The following PACSIN2 variants were observed in gnomAD, a reference collection of about 807,000 sequenced individuals.
The protein encoded by PACSIN2 is protein kinase C and casein kinase substrate in neurons 2.
In PACSIN2, 25 loss-of-function variants were observed where a neutral mutation model predicts 63.8. That is an observed-to-expected ratio of 0.39 (90% CI 0.29 to 0.55). The LOEUF is 0.55. Ranked by LOEUF, PACSIN2 falls within the 20% of genes least tolerant of loss-of-function variation. The pLI is 0.62. For synonymous variants in PACSIN2, 255 were observed against 256.2 expected (o/e 1.00, Z 0.05); for missense variants, 518 against 646.9 (o/e 0.80, Z 2.16).
At chr22:42,974,212 T>C (rs1226131748) in intron 1 of PACSIN2, among the ~76,000 whole-genome samples, 1 of 152,146 alleles carries the variant, frequency 6.6e-6, no homozygotes, top group Admixed American at 6.5e-5. Context: ...CAGTGTACCA[T>C]GACTAGGTAC....
At chr22:43,010,873 G>T (rs1419670063) in intron 1 of PACSIN2, among the ~76,000 whole-genome samples, 1 of 152,180 alleles carries the variant, frequency 6.6e-6, no homozygotes, top group Non-Finnish European at 1.5e-5. Context: ...AGGAAAGGTG[G>T]TTTTTATTTG....
chr22:42,988,341 G>T (rs958348684), intron 1 of PACSIN2, among the ~76,000 whole-genome samples: 3 of 152,192 alleles, frequency 2.0e-5, no homozygotes, highest in African/African-American at 7.2e-5. Flanking sequence ...GTGAGGGGTG[G>T]GGGGCACGTC....
chr22:42,997,372 C>CATGGTAAA (rs1170677518), intron 1 of PACSIN2, among the ~76,000 whole-genome samples: 1 of 152,100 alleles, frequency 6.6e-6, no homozygotes, highest in Non-Finnish European at 1.5e-5. Flanking sequence ...TCCTGGCTAA[C>CATGGTAAA]ATGGTAAAAC....
intron 1 of PACSIN2, among the ~76,000 whole-genome samples, chr22:42,956,248 TA>T (rs1479414119): frequency 6.6e-6 from 1 of 152,254 alleles, no homozygotes; most frequent in Admixed American, 6.5e-5. Flanking sequence ...TTAGATTCTT[TA>T]AGTTTCTCAA....
At chr22:42,968,938 C>G (rs557348345) in intron 1 of PACSIN2, among the ~76,000 whole-genome samples, 75 of 152,268 alleles carry the variant, frequency 4.9e-4, no homozygotes, top group Middle Eastern at 6.8e-3. Context: ...GCCCCACTAC[C>G]GGCATCCCAG....
At chr22:42,885,295 G>A (rs1409768457) in intron 5 of PACSIN2, among the ~76,000 whole-genome samples, 4 of 152,200 alleles carry the variant, frequency 2.6e-5, no homozygotes, top group South Asian at 2.1e-4. Flanking sequence ...ACACTTCCCC[G>A]CACCCCCTCA....
intron 1 of PACSIN2, among the ~76,000 whole-genome samples, chr22:42,971,352 G>T (rs946133646): frequency 1.3e-5 from 2 of 152,360 alleles, no homozygotes; most frequent in African/African-American, 4.8e-5. Context: ...CTCCCGAGGT[G>T]CCAGGACTGC....
intron 2 of PACSIN2, among the ~76,000 whole-genome samples, chr22:42,910,024 G>A (rs1335366749): frequency 2.6e-5 from 4 of 152,160 alleles, no homozygotes; most frequent in African/African-American, 4.8e-5. Flanking sequence ...TATGGGTACC[G>A]TTATTACCCC....
intron 2 of PACSIN2, among the ~76,000 whole-genome samples, chr22:42,902,631 C>T (rs1308674430): frequency 2.0e-5 from 3 of 152,136 alleles, no homozygotes; most frequent in Non-Finnish European, 2.9e-5. Flanking sequence ...GATGGAGTCT[C>T]GCTCTGTCTT....
chr22:42,994,290 C>G (rs1923250358), intron 1 of PACSIN2, among the ~76,000 whole-genome samples: 1 of 152,184 alleles, frequency 6.6e-6, no homozygotes, highest in South Asian at 2.1e-4. Context: ...AACTGGGGCT[C>G]CAGGCATGGT....
chr22:42,995,459 AAGG>A (rs1247310550), intron 1 of PACSIN2, among the ~76,000 whole-genome samples: 2 of 152,154 alleles, frequency 1.3e-5, no homozygotes, highest in African/African-American at 4.8e-5. Context: ...CTGAGGAGAC[AAGG>A]TTTTTAAAGC....
chr22:42,992,111 T>C (rs949082587), intron 1 of PACSIN2, among the ~76,000 whole-genome samples: 5 of 152,214 alleles, frequency 3.3e-5, no homozygotes, highest in African/African-American at 1.2e-4. Context: ...AATTATGTAA[T>C]TGATCAAGGA....
At chr22:42,992,681 G>C (rs1923120920) in intron 1 of PACSIN2, among the ~76,000 whole-genome samples, 1 of 152,100 alleles carries the variant, frequency 6.6e-6, no homozygotes, top group Non-Finnish European at 1.5e-5. Flanking sequence ...TCACGACATA[G>C]CATCTTCATT....
At chr22:42,887,428 C>A (rs991567631) in intron 5 of PACSIN2, among the ~76,000 whole-genome samples, 10 of 152,204 alleles carry the variant, frequency 6.6e-5, no homozygotes, top group African/African-American at 2.4e-4. Context: ...GATGCCACCA[C>A]CTAACTGACA....
chr22:43,014,700 T>A (rs1924765472), intron 1 of PACSIN2, among the ~76,000 whole-genome samples: 1 of 138,778 alleles, frequency 7.2e-6, no homozygotes, highest in East Asian at 2.1e-4. Flanking sequence ...TGCACTTCCC[T>A]CTCCAGCAGG....
chr22:42,926,425 T>G (rs1463961701), intron 1 of PACSIN2, among the ~76,000 whole-genome samples: 1 of 152,056 alleles, frequency 6.6e-6, no homozygotes, highest in Non-Finnish European at 1.5e-5. Flanking sequence ...ATTGTTGCTA[T>G]AGAAACCATC....
At chr22:42,967,035 C>G (rs1000573990) in intron 1 of PACSIN2, among the ~76,000 whole-genome samples, 1 of 152,142 alleles carries the variant, frequency 6.6e-6, no homozygotes, top group East Asian at 1.9e-4. Flanking sequence ...CGAACTTGTC[C>G]GTAAGCAGCT....
chr22:42,976,795 G>T (rs1601596415), intron 1 of PACSIN2, among the ~76,000 whole-genome samples: 1 of 152,210 alleles, frequency 6.6e-6, no homozygotes, highest in East Asian at 1.9e-4. Flanking sequence ...CAGCAGTATT[G>T]TAATTGTCCT....
At chr22:42,997,085 C>T (rs1043640353) in intron 1 of PACSIN2, among the ~76,000 whole-genome samples, 1 of 152,166 alleles carries the variant, frequency 6.6e-6, no homozygotes, top group African/African-American at 2.4e-5. Context: ...GGGGATGAGG[C>T]TTGGACCCTC....
Sources: allele counts gnomAD v4.1 joint callset (sites outside exome capture counted in the v4.1 genomes callset), GRCh38; gene constraint gnomAD v4.1.1; transcripts MANE v1.5; gene names NCBI Gene and HGNC (gene_info 2026-07-23, HGNC 2026-07-21).